Variants in TBCD observed in about 807,000 individuals in gnomAD.
TBCD encodes tubulin-specific chaperone D.
Under a neutral mutation model 169.3 loss-of-function variants are expected in TBCD, and 105 were observed. That is an observed-to-expected ratio of 0.62 (90% CI 0.53 to 0.73). The LOEUF (loss-of-function observed/expected upper bound fraction) is 0.73. Ranked by LOEUF, TBCD falls within the 30% of genes least tolerant of loss-of-function variation. The pLI, the probability that TBCD is intolerant of heterozygous loss-of-function variation, is 0.00. For missense variants in TBCD, 1,444 were observed against 1,600.1 expected, an observed-to-expected ratio of 0.90 and a Z score of 1.66; for synonymous variants, 700 against 643.9, an observed-to-expected ratio of 1.09 and a Z score of -1.32.
rs1048678143 is a variant in TBCD at position 82,806,109 on chromosome 17, G to T, written c.1087+98G>T. ...ACTTCCTTCTTCCTTGCTGGTGCCG[G>T]CACTGTCTGGCCACCCGTCCCCTTC... On this transcript the variant is annotated intron_variant, in intron 10 of 38. Coordinates refer to ENST00000355528, the MANE Select transcript of TBCD (RefSeq NM_005993.5). The surrounding 1 kb of genome is among the most constrained non-coding windows in gnomAD (Gnocchi z 5.1). The T allele has an allele frequency of 4.7e-6, 7 of 1,485,238 alleles. No individual in the cohort carries two copies. The highest frequency in any genetic ancestry group is 5.4e-6 in the Non-Finnish European group (6 of 1,101,608). The allele number at this position is 1,485,238 out of a possible 1,614,324, so 92.0% of individuals were successfully genotyped here. A position where few individuals can be genotyped will look rare whatever the true frequency, so the allele number is the denominator to read the frequency against.
At chr17:82,784,079 A>G (rs1056673461) in intron 7 of TBCD, among the ~76,000 whole-genome samples, 3 of 152,060 alleles carry the variant, frequency 2.0e-5, no homozygotes, top group Non-Finnish European at 4.4e-5. Context: ...AGCCGAGATC[A>G]TGCCACTGCA....
chr17:82,899,826 G>T (rs1270989076), intron 17 of TBCD, among the ~76,000 whole-genome samples: 1 of 152,210 alleles, frequency 6.6e-6, no homozygotes, highest in Non-Finnish European at 1.5e-5. Context: ...CCATTCGAGT[G>T]GGGGTAACGA....
At chr17:82,756,293 G>A (rs1216941141) in intron 2 of TBCD, 78 bp downstream of exon 2, 1 of 1,410,302 alleles carries the variant, frequency 7.1e-7, no homozygotes, top group Non-Finnish European at 9.8e-7. Flanking sequence ...GCTGGCACAT[G>A]CATGTGCTTT....
rs2056981069 is a variant in TBCD, at chr17:82,864,001, A to T, written c.1319-6223A>T. ...TTACCACCCTCAGGACTAAATGCAA[A>T]ATCATCTTCACTGGGTGCAGCATTT... is the stretch of plus-strand genomic sequence containing the variant. On this transcript the variant is annotated intron_variant, in intron 13 of 38. Coordinates refer to ENST00000355528, the MANE Select transcript of TBCD (RefSeq NM_005993.5). The surrounding 1 kb of genome is among the most constrained non-coding windows in gnomAD (Gnocchi z 6.3). Among the ~76,000 whole-genome samples the T allele has an allele frequency of 6.6e-6, 1 of 152,186 alleles. No individual in the cohort carries two copies.
intron 13 of TBCD, among the ~76,000 whole-genome samples, chr17:82,855,403 A>G (rs968108649): frequency 5.9e-5 from 9 of 151,740 alleles, no homozygotes; most frequent in African/African-American, 2.2e-4. Flanking sequence ...TCACTGTGGC[A>G]CTATGGGTGC....
intron 17 of TBCD, among the ~76,000 whole-genome samples, chr17:82,899,860 G>A (rs2059770097): frequency 6.6e-6 from 1 of 152,190 alleles, no homozygotes; most frequent in Non-Finnish European, 1.5e-5. Context: ...ATTCCTGGCT[G>A]AATACTGATG....
At chr17:82,752,505 C>T (rs1195251873) in intron 1 of TBCD, 128 bp downstream of exon 1, 9 of 771,662 alleles carry the variant, frequency 1.2e-5, no homozygotes, top group Non-Finnish European at 1.5e-5. Flanking sequence ...GGTGCGCGGT[C>T]CCGCGGGCCG....
rs534147956 is a variant in TBCD at position 82,790,357 on chromosome 17, G to T, written c.772-7400G>T. The stretch of plus-strand genomic sequence containing the variant: ...TGCTGTCCTGTGGCCTGCGTAAAGG[G>T]TGGCCTCGGAAGCCTGTGGCCTGGG... On this transcript the variant is annotated intron_variant, in intron 7 of 38. Transcript: ENST00000355528. Among the ~76,000 whole-genome samples the T allele has an allele frequency of 7.2e-5, 11 of 152,332 alleles. No individual in the cohort carries two copies. The South Asian group carries it at 2.1e-3, about 29-fold the overall frequency.
chr17:82,802,334 C>A, intron 9 of TBCD, among the ~76,000 whole-genome samples: 1 of 152,004 alleles, frequency 6.6e-6, no homozygotes, highest in East Asian at 1.9e-4. Context: ...ACACTCCGTC[C>A]TGGATGATGG....
chr17:82,790,128 C>T (rs538748268), intron 7 of TBCD, among the ~76,000 whole-genome samples: 147 of 152,242 alleles, frequency 9.7e-4, no homozygotes, highest in African/African-American at 2.7e-3. Context: ...GAGTCTGTCC[C>T]GCTCTGCCGC....
intron 2 of TBCD, among the ~76,000 whole-genome samples, chr17:82,762,909 G>A (rs1287371424): frequency 1.3e-5 from 2 of 152,158 alleles, no homozygotes; most frequent in Admixed American, 6.5e-5. Context: ...AGTGTATCTC[G>A]TTGTGTCCTT....
intron 2 of TBCD, among the ~76,000 whole-genome samples, chr17:82,763,586 C>A (rs1021802920): frequency 6.6e-6 from 1 of 151,932 alleles, no homozygotes; most frequent in Admixed American, 6.6e-5. Flanking sequence ...ACTAAAAATA[C>A]AAAAATTAGC....
Position 82,892,872 on chromosome 17 carries a change from C to T in TBCD, c.1564-675C>T, listed in dbSNP as rs555547700. The stretch of plus-strand genomic sequence containing the variant: ...GGTATCAGTAACACCATGTAGGCTG[C>T]GGGGCTGGAGCTGGGGCTCCACTGG... On this transcript the variant is annotated intron_variant, in intron 16 of 38. Coordinates refer to ENST00000355528, the MANE Select transcript of TBCD (RefSeq NM_005993.5). Among the ~76,000 whole-genome samples, 9 of 152,272 alleles carry T rather than the reference C, an allele frequency of 5.9e-5. No homozygotes were observed. In the South Asian group the frequency reaches 1.0e-3, roughly 18 times the overall value.
At chr17:82,769,792 C>G (rs1263205687) in intron 5 of TBCD, among the ~76,000 whole-genome samples, 1 of 151,288 alleles carries the variant, frequency 6.6e-6, no homozygotes, top group Non-Finnish European at 1.5e-5. Context: ...CAGAAGAATC[C>G]CTTGAACCTG....
chr17:82,930,434 T>C lies in TBCD; in HGVS notation c.2992-88T>C. ...CTGCAGCTCGGAGCAGTTCTGCTCT[T>C]CAGCAGATGCTTGACCGGCTGTAGC... On this transcript the variant is annotated intron_variant, in intron 32 of 38. Coordinates refer to ENST00000355528, the MANE Select transcript of TBCD (RefSeq NM_005993.5). This position sits in a 1 kb window ranked among gnomAD's most constrained non-coding sequence, Gnocchi z 5.2. The C allele has an allele frequency of 1.3e-6, 2 of 1,527,982 alleles. No individual in the cohort carries two copies. The highest frequency in any genetic ancestry group is 1.8e-6 in the Non-Finnish European group (2 of 1,137,978). 94.7% of individuals were successfully genotyped at this position (1,527,982 alleles called of 1,614,324 possible). A position where few individuals can be genotyped will look rare whatever the true frequency, so the allele number is the denominator to read the frequency against.
chr17:82,834,891 T>A (rs941442264), intron 13 of TBCD, among the ~76,000 whole-genome samples: 2 of 151,250 alleles, frequency 1.3e-5, no homozygotes, highest in African/African-American at 4.9e-5. Flanking sequence ...AAAAAAAAAA[T>A]ACATTAAAGT....
At chr17:82,867,669 C>T (rs1472043073) in intron 13 of TBCD, among the ~76,000 whole-genome samples, 4 of 152,310 alleles carry the variant, frequency 2.6e-5, no homozygotes, top group South Asian at 4.1e-4. Flanking sequence ...ATCTTGAACC[C>T]GCTTATTAGA....
intron 7 of TBCD, among the ~76,000 whole-genome samples, chr17:82,792,877 C>G (rs2049847876): frequency 1.3e-5 from 2 of 152,182 alleles, no homozygotes; most frequent in Admixed American, 6.5e-5. Context: ...ATCCTCCCCC[C>G]TCAGCCTCCT....
chr17:82,931,739 C>CT, intron 33 of TBCD, among the ~76,000 whole-genome samples: 1 of 152,346 alleles, frequency 6.6e-6, no homozygotes, highest in South Asian at 2.1e-4. Flanking sequence ...TCGGCCTGTG[C>CT]TAAAGCTCTC....
Sources: gnomAD v4.1 joint callset for allele counts (sites outside exome capture counted in the v4.1 genomes callset) on GRCh38, gnomAD v4.1.1 for gene constraint, Gnocchi (gnomAD v3.1) non-coding constraint, MANE v1.5 for transcripts, NCBI Gene and HGNC (gene_info 2026-07-23, HGNC 2026-07-21) for gene names.